DAZAP1: variants seen among roughly 807,000 people sequenced by gnomAD.
The protein encoded by DAZAP1 is DAZ-associated protein 1.
Under a neutral mutation model 60.1 loss-of-function variants are expected in DAZAP1, and 6 were observed. The ratio of observed to expected loss-of-function variants is 0.10; its 90% CI spans 0.05 to 0.20. The LOEUF is 0.20. DAZAP1 is among the 10% of genes least tolerant of loss of function. The pLI is 1.00. For synonymous variants in DAZAP1, 235 were observed against 215.9 expected (o/e 1.09, Z -0.78); for missense variants, 366 against 560.4 (o/e 0.65, Z 3.50).
chr19:1,429,862 T>TC, intron 8 of DAZAP1, 105 bp from the exon 9 acceptor site: 2 of 1,409,666 alleles, frequency 1.4e-6, no homozygotes, highest in Non-Finnish European at 2.0e-6. Context: ...CACAGGAGGC[T>TC]CCGGGGTTGG....
intron 2 of DAZAP1, 84 bp downstream of exon 2, chr19:1,417,624 T>C: frequency 7.8e-7 from 1 of 1,282,740 alleles, no homozygotes; most frequent in Non-Finnish European, 1.1e-6. Context: ...CGCCTCTTGC[T>C]ACTGTCTTGG....
chr19:1,428,567 CTG>C lies in DAZAP1; in HGVS notation c.547-274_547-273del, dbSNP rs1341898774. On this transcript the variant is annotated intron_variant, in intron 7 of 11. Coordinates refer to ENST00000233078, the MANE Select transcript of DAZAP1 (RefSeq NM_018959.4). The surrounding 1 kb of genome is among the most constrained non-coding windows in gnomAD (Gnocchi z 4.0). ...GTCACGCACGAAACCCCCGAGGGCT[CTG>C]GGCTCGGTCCTGCTGCCCCGCAGTG... 3 of 389,256 alleles carry C rather than the reference CTG, an allele frequency of 7.7e-6. No individual in the cohort carries two copies. Among genetic ancestry groups the C allele is most frequent in the Admixed American group, 4.3e-5 (1 of 23,428 alleles). The allele number at this position is 389,256 out of a possible 1,614,324, so 24.1% of individuals were successfully genotyped here.
intron 1 of DAZAP1, among the ~76,000 whole-genome samples, chr19:1,408,409 G>C (rs2082727168): frequency 6.6e-6 from 1 of 152,198 alleles, no homozygotes; most frequent in Admixed American, 6.5e-5. Flanking sequence ...GTGGGGGGTG[G>C]TCCGGGGCGC....
In DAZAP1 at chr19:1,428,791, G is replaced by T. The variant is rs775253868; in HGVS notation, c.547-51G>T. 2.5e-6 allele frequency: 4 copies of T among 1,609,108 alleles called. No individual in the cohort carries two copies. The highest frequency in any genetic ancestry group is 2.7e-5 in the African/African-American group (2 of 74,806). The stretch of plus-strand genomic sequence containing the variant: ...ACCCGAGGGTGTGTCTAAAGGGAAG[G>T]GGGTGCTGGGACCCGCAGCCTCGCC... On this transcript the variant is annotated intron_variant, in intron 7 of 11. Transcript: ENST00000233078. This position sits in a 1 kb window ranked among gnomAD's most constrained non-coding sequence, Gnocchi z 4.0.
chr19:1,413,438 G>C (rs2144723843), intron 1 of DAZAP1, among the ~76,000 whole-genome samples: 1 of 152,358 alleles, frequency 6.6e-6, no homozygotes, highest in African/African-American at 2.4e-5. Flanking sequence ...AAAACATCCT[G>C]AGATTCAGAA....
In DAZAP1 at chr19:1,426,896, A is replaced by C. The variant is rs2083316984; in HGVS notation, c.546+936A>C. On this transcript the variant is annotated intron_variant, in intron 7 of 11. Coordinates refer to ENST00000233078, the MANE Select transcript of DAZAP1 (RefSeq NM_018959.4). The surrounding 1 kb of genome is among the most constrained non-coding windows in gnomAD (Gnocchi z 5.4). Reference sequence around the variant, plus strand: ...GAAGAAGACGCTTAGCCCCTCTGACAGGGCCATGGTTGTTTTTTCAATTAA... The same window carrying C: ...GAAGAAGACGCTTAGCCCCTCTGACCGGGCCATGGTTGTTTTTTCAATTAA... The C allele has an allele frequency of 6.6e-6, 1 of 152,198 alleles. No individual in the cohort carries two copies. Among genetic ancestry groups the C allele is most frequent in the Non-Finnish European group, 1.5e-5 (1 of 68,044 alleles). The allele number at this position is 152,198 out of a possible 1,614,324, so 9.4% of individuals were successfully genotyped here. A position where few individuals can be genotyped will look rare whatever the true frequency, so the allele number is the denominator to read the frequency against.
rs2083276156 is a variant in DAZAP1 at position 1,425,189 on chromosome 19, A to G, written c.464-689A>G. On this transcript the variant is annotated intron_variant, in intron 6 of 11. Transcript: ENST00000233078. This position sits in a 1 kb window ranked among gnomAD's most constrained non-coding sequence, Gnocchi z 5.4. Reference sequence around the variant, plus strand: ...TAGAACATGCATAGATGTCTACGATATGACCTCTTCTAGGACTCCTTGGGC... The same window carrying G: ...TAGAACATGCATAGATGTCTACGATGTGACCTCTTCTAGGACTCCTTGGGC... Among the ~76,000 whole-genome samples, 1 of 152,232 alleles carries G rather than the reference A, an allele frequency of 6.6e-6. No homozygotes were observed. The highest frequency in any genetic ancestry group is 2.4e-5 in the African/African-American group (1 of 41,458).
Position 1,430,254 on chromosome 19 carries a change from G to GGGCCCCCCCCCCC in DAZAP1, c.763_764insGGCCCCCCCCCCC (p.Ala255GlyfsTer176). On this transcript the variant is annotated frameshift_variant, in exon 10 of 12. Coordinates refer to ENST00000233078, the MANE Select transcript of DAZAP1 (RefSeq NM_018959.4). LOFTEE classifies it high-confidence loss of function. ...TGGACCGCCCCCTGCAGGAAGAGGA[G>GGGCCCCCCCCCCC]CCCCCCCGCCACCCCCACCGTTCAC... is the stretch of plus-strand genomic sequence containing the variant. 3 of 1,295,254 alleles carry GGGCCCCCCCCCCC rather than the reference G, an allele frequency of 2.3e-6. No individual in the cohort carries two copies. Among genetic ancestry groups the GGGCCCCCCCCCCC allele is most frequent in the South Asian group, 1.3e-5 (1 of 74,428 alleles). The allele number at this position is 1,295,254 out of a possible 1,614,324, so 80.2% of individuals were successfully genotyped here.
intron 8 of DAZAP1, among the ~76,000 whole-genome samples, chr19:1,429,361 G>A (rs540447190): frequency 2.6e-5 from 4 of 152,302 alleles, no homozygotes; most frequent in South Asian, 2.1e-4. Flanking sequence ...TGCTGCCCCT[G>A]GGGGGCTTGA....
At chr19:1,413,008 G>T (rs1426818684) in intron 1 of DAZAP1, among the ~76,000 whole-genome samples, 1 of 152,226 alleles carries the variant, frequency 6.6e-6, no homozygotes, top group African/African-American at 2.4e-5. Flanking sequence ...TGTCGGAGAT[G>T]CCGTCAGCTG....
In DAZAP1 at chr19:1,407,646, CGCCGCCGCCGCCGCCGTT is replaced by C. The variant is rs1257754956; in HGVS notation, c.-125_-108del. The C allele has an allele frequency of 1.9e-4, 179 of 943,918 alleles. No homozygotes were observed. Among genetic ancestry groups the C allele is most frequent in the Non-Finnish European group, 2.2e-4 (171 of 790,114 alleles). 58.5% of individuals were successfully genotyped at this position (943,918 alleles called of 1,614,324 possible). A position where few individuals can be genotyped will look rare whatever the true frequency, so the allele number is the denominator to read the frequency against. On this transcript the variant is annotated 5_prime_UTR_variant, in exon 1 of 12. Coordinates refer to ENST00000233078, the MANE Select transcript of DAZAP1 (RefSeq NM_018959.4). ...CCGCCGCCGCCGCCGCCGCCGCCGC[CGCCGCCGCCGCCGCCGTT>C]GCGCAGATCCGGGCCGCGGCTGTGG...
At chr19:1,419,001 C>T (rs1472021913) in intron 4 of DAZAP1, among the ~76,000 whole-genome samples, 1 of 152,066 alleles carries the variant, frequency 6.6e-6, no homozygotes, top group East Asian at 1.9e-4. Flanking sequence ...CCTCTGTGCC[C>T]TGTGTGCCCT....
Position 1,432,879 on chromosome 19 carries a change from C to T in DAZAP1, c.1048+189C>T, listed in dbSNP as rs538674965. ...GCAACTCGGGTCCAGCAGAAGGGAG[C>T]GTGGGAGTCTTGTCGCAGCAGAGCA... On this transcript the variant is annotated intron_variant, in intron 11 of 11. Coordinates refer to ENST00000233078, the MANE Select transcript of DAZAP1 (RefSeq NM_018959.4). The surrounding 1 kb of genome is among the most constrained non-coding windows in gnomAD (Gnocchi z 4.9). The T allele has an allele frequency of 1.4e-5, 9 of 621,116 alleles. No individual in the cohort carries two copies. The highest frequency in any genetic ancestry group is 1.4e-4 in the East Asian group (5 of 34,952). The allele number at this position is 621,116 out of a possible 1,614,324, so 38.5% of individuals were successfully genotyped here. A position where few individuals can be genotyped will look rare whatever the true frequency, so the allele number is the denominator to read the frequency against.
In DAZAP1 at chr19:1,434,478, G is replaced by A. The variant is rs549872594; in HGVS notation, c.1049-259G>A. ...CGTCTTCGGGATTGAACAGGGAAGC[G>A]GTGAGGTTACGTGGGCCATGGAGGG... is the stretch of plus-strand genomic sequence containing the variant. On this transcript the variant is annotated intron_variant, in intron 11 of 11. Transcript: ENST00000233078. This position sits in a 1 kb window ranked among gnomAD's most constrained non-coding sequence, Gnocchi z 8.0. The A allele has an allele frequency of 8.3e-5, 37 of 445,010 alleles. No individual in the cohort carries two copies. The highest frequency in any genetic ancestry group is 1.4e-4 in the Non-Finnish European group (34 of 248,428). The allele number at this position is 445,010 out of a possible 1,614,324, so 27.6% of individuals were successfully genotyped here.
chr19:1,418,801 A>G lies in DAZAP1; in HGVS notation c.303+70A>G. ...ACGTGGAAAGGAAATGCGTGCCTTCAATCTGCTGTTGTCGCTCGTTAAGAT... is the reference window on the plus strand; with the variant it reads ...ACGTGGAAAGGAAATGCGTGCCTTCGATCTGCTGTTGTCGCTCGTTAAGAT... On this transcript the variant is annotated intron_variant, in intron 4 of 11. Transcript: ENST00000233078. This position sits in a 1 kb window ranked among gnomAD's most constrained non-coding sequence, Gnocchi z 5.7. 1 of 1,466,468 alleles carries G rather than the reference A, an allele frequency of 6.8e-7. No individual in the cohort carries two copies. Among genetic ancestry groups the G allele is most frequent in the Non-Finnish European group, 9.2e-7 (1 of 1,081,752 alleles). The allele number at this position is 1,466,468 out of a possible 1,614,324, so 90.8% of individuals were successfully genotyped here.
chr19:1,428,731 C>T lies in DAZAP1; in HGVS notation c.547-111C>T. 1.5e-6 allele frequency: 2 copies of T among 1,305,348 alleles called. No homozygotes were observed. Among genetic ancestry groups the T allele is most frequent in the Admixed American group, 2.3e-5 (1 of 44,020 alleles). 80.9% of individuals were successfully genotyped at this position (1,305,348 alleles called of 1,614,324 possible). On this transcript the variant is annotated intron_variant, in intron 7 of 11. Coordinates refer to ENST00000233078, the MANE Select transcript of DAZAP1 (RefSeq NM_018959.4). This position sits in a 1 kb window ranked among gnomAD's most constrained non-coding sequence, Gnocchi z 4.0. ...TAAGGTTTATAGTTAAGTATTTAGT[C>T]TTAAGTTGTAAGATGCTAAGTGTAG...
chr19:1,414,261 G>A (rs1292526073), intron 1 of DAZAP1, among the ~76,000 whole-genome samples: 2 of 151,878 alleles, frequency 1.3e-5, no homozygotes, highest in African/African-American at 4.8e-5. Flanking sequence ...CAGGTGATCC[G>A]CCCACCTCAG....
In DAZAP1 at chr19:1,430,254, G is replaced by GGGGCC; in HGVS notation, c.763_764insGGGCC (p.Ala255GlyfsTer82). 30 of 1,295,144 alleles carry GGGGCC rather than the reference G, an allele frequency of 2.3e-5. No individual in the cohort carries two copies. Among genetic ancestry groups the GGGGCC allele is most frequent in the Non-Finnish European group, 3.1e-5 (29 of 923,956 alleles). 80.2% of individuals were successfully genotyped at this position (1,295,144 alleles called of 1,614,324 possible). The stretch of plus-strand genomic sequence containing the variant: ...TGGACCGCCCCCTGCAGGAAGAGGA[G>GGGGCC]CCCCCCCGCCACCCCCACCGTTCAC... On this transcript the variant is annotated frameshift_variant, in exon 10 of 12. Coordinates refer to ENST00000233078, the MANE Select transcript of DAZAP1 (RefSeq NM_018959.4). LOFTEE classifies it high-confidence loss of function.
In DAZAP1 at chr19:1,433,690, C is replaced by T. The variant is rs766562152; in HGVS notation, c.1048+1000C>T. ...GGCGTGGCGTGTGTCAGCCGCTGCT[C>T]TTGGTGGCGGCTGCTTGGGTTGGTC... On this transcript the variant is annotated intron_variant, in intron 11 of 11. Coordinates refer to ENST00000233078, the MANE Select transcript of DAZAP1 (RefSeq NM_018959.4). This position sits in a 1 kb window ranked among gnomAD's most constrained non-coding sequence, Gnocchi z 6.1. The T allele has an allele frequency of 1.3e-5, 20 of 1,509,176 alleles. No homozygotes were observed. Among genetic ancestry groups the T allele is most frequent in the Middle Eastern group, 1.9e-4 (1 of 5,352 alleles). 93.5% of individuals were successfully genotyped at this position (1,509,176 alleles called of 1,614,324 possible).
Sources: gnomAD v4.1 joint callset for allele counts (sites outside exome capture counted in the v4.1 genomes callset) on GRCh38, gnomAD v4.1.1 for gene constraint, Gnocchi (gnomAD v3.1) non-coding constraint, MANE v1.5 for transcripts, NCBI Gene and HGNC (gene_info 2026-07-23, HGNC 2026-07-21) for gene names.